ODF2L: variants seen among roughly 807,000 people sequenced by gnomAD.
ODF2L encodes protein BCAP.
ODF2L carries 76 observed loss-of-function variants against 86.3 expected under a neutral mutation model. The ratio of observed to expected loss-of-function variants is 0.88; its 90% CI spans 0.73 to 1.07. The LOEUF (loss-of-function observed/expected upper bound fraction) is 1.07, where lower values mean the gene tolerates loss of function less well. Ranked by LOEUF, ODF2L falls within the 50% of genes least tolerant of loss-of-function variation. The pLI, the probability that ODF2L is intolerant of heterozygous loss-of-function variation, is 0.00. For synonymous variants in ODF2L, 241 were observed against 231.3 expected (o/e 1.04, Z -0.38); for missense variants, 748 against 717.4 (o/e 1.04, Z -0.49).
At chr1:86,356,406 T>C in intron 14 of ODF2L, 38 bp downstream of exon 13, 1 of 1,547,488 alleles carries the variant, frequency 6.5e-7, no homozygotes, top group South Asian at 1.2e-5. Flanking sequence ...AGCATTCTTT[T>C]AACGCATCTA....
intron 8 of ODF2L, among the ~76,000 whole-genome samples, chr1:86,373,424 C>G (rs12028714): frequency 0.33 from 49,022 of 149,460 alleles, 8,272 homozygotes; most frequent in East Asian, 0.53. Flanking sequence ...CTACAAATGT[C>G]TGCCAACCAC....
At chr1:86,353,611 G>A (rs1230234607) in intron 16 of ODF2L, among the ~76,000 whole-genome samples, 1 of 152,184 alleles carries the variant, frequency 6.6e-6, no homozygotes, top group Non-Finnish European at 1.5e-5. Context: ...CCACAAGAAT[G>A]AGAGTAGAGG....
chr1:86,391,579 G>A (rs1661333496), intron 1 of ODF2L, among the ~76,000 whole-genome samples: 1 of 152,170 alleles, frequency 6.6e-6, no homozygotes. Context: ...GTGGGGAAAA[G>A]ACACCCTATT....
chr1:86,368,849 G>A (rs527464618), intron 10 of ODF2L: 10 of 717,850 alleles, frequency 1.4e-5, no homozygotes, highest in Admixed American at 4.3e-5. Flanking sequence ...ACACTTCTAC[G>A]TTGACTATAT....
intron 12 of ODF2L, among the ~76,000 whole-genome samples, chr1:86,359,561 T>C (rs947882294): frequency 2.1e-4 from 13 of 61,302 alleles, no homozygotes; most frequent in African/African-American, 1.2e-3. Flanking sequence ...CTTGCTCTGT[T>C]GCCCAGGCTG....
exon 12 of ODF2L, chr1:86,360,504 T>C (rs751522398): frequency 1.9e-6 from 3 of 1,598,390 alleles, no homozygotes; most frequent in East Asian, 2.2e-5. Context: ...TTTCAACAGA[T>C]ACAACTTCAT....
At chr1:86,395,515 C>T (rs917013382) in intron 1 of ODF2L, among the ~76,000 whole-genome samples, 1 of 152,144 alleles carries the variant, frequency 6.6e-6, no homozygotes, top group Non-Finnish European at 1.5e-5. Flanking sequence ...TTAGCACTCT[C>T]CACGACCCTA....
Position 86,361,392 on chromosome 1 carries a change from G to A in ODF2L, c.1144-856C>T, listed in dbSNP as rs1570367670. Among the ~76,000 whole-genome samples the A allele has an allele frequency of 2.0e-5, 3 of 152,324 alleles. No homozygotes were observed. In the East Asian group the frequency reaches 5.8e-4, roughly 29 times the overall value. ...ACCCAAATTTCTTATAGCAGGCAGT[G>A]AGCATGCCTACCCATACTCCTAAGG... On this transcript the variant is annotated intron_variant, in intron 11 of 17. Coordinates refer to ENST00000317336, the Ensembl canonical transcript of ODF2L.
At chr1:86,372,634 A>T (rs1055785647) in intron 8 of ODF2L, 94 bp from the exon 9 acceptor site, 54 of 617,418 alleles carry the variant, frequency 8.7e-5, no homozygotes, top group Non-Finnish European at 1.4e-4. Flanking sequence ...ACAGGGAAGC[A>T]ATCTTCCAAA....
At chr1:86,377,489 A>C (rs1249891079) in intron 7 of ODF2L, among the ~76,000 whole-genome samples, 1 of 152,148 alleles carries the variant, frequency 6.6e-6, no homozygotes, top group African/African-American at 2.4e-5. Context: ...CTCCAACCCC[A>C]TATTTCTCTT....
At chr1:86,389,288 T>C (rs1360377322) in intron 1 of ODF2L, among the ~76,000 whole-genome samples, 1 of 152,202 alleles carries the variant, frequency 6.6e-6, no homozygotes, top group Non-Finnish European at 1.5e-5. Flanking sequence ...ATATTCTGTA[T>C]ACATGTTTAA....
At chr1:86,392,552 A>G (rs898614109) in intron 1 of ODF2L, among the ~76,000 whole-genome samples, 55 of 152,228 alleles carry the variant, frequency 3.6e-4, no homozygotes, top group Non-Finnish European at 4.0e-4. Flanking sequence ...TAAGTGAAGT[A>G]ACTCAGCAAT....
intron 1 of ODF2L, among the ~76,000 whole-genome samples, chr1:86,390,892 C>T (rs562362124): frequency 2.6e-5 from 4 of 152,072 alleles, no homozygotes; most frequent in African/African-American, 7.2e-5. Context: ...GAAGTCAAAC[C>T]GTTGCTGTTT....
At chr1:86,382,829 C>G in intron 6 of ODF2L, 102 bp downstream of exon 6, 1 of 681,904 alleles carries the variant, frequency 1.5e-6, no homozygotes, top group East Asian at 2.6e-5. Flanking sequence ...TTTCAAAACA[C>G]TTTTCTGTGT....
intron 1 of ODF2L, among the ~76,000 whole-genome samples, chr1:86,392,852 T>C (rs1366653235): frequency 6.6e-6 from 1 of 152,206 alleles, no homozygotes; most frequent in African/African-American, 2.4e-5. Context: ...TCCTTAAAGA[T>C]GAGCAATTTT....
intron 11 of ODF2L, among the ~76,000 whole-genome samples, chr1:86,366,505 G>T (rs963322538): frequency 4.7e-5 from 7 of 150,086 alleles, no homozygotes; most frequent in African/African-American, 1.7e-4. Flanking sequence ...TACTTGGGAG[G>T]CTGAAGCGGG....
At chr1:86,357,231 C>A (rs1376713627) in intron 13 of ODF2L, among the ~76,000 whole-genome samples, 3 of 152,024 alleles carry the variant, frequency 2.0e-5, no homozygotes, top group Non-Finnish European at 4.4e-5. Context: ...AAAGCAGCAA[C>A]CTTAAGAAAT....
intron 14 of ODF2L, chr1:86,356,063 A>G (rs17129092): frequency 0.038 from 8,422 of 220,514 alleles, 232 homozygotes; most frequent in Non-Finnish European, 0.055. Context: ...ATATCCCAAA[A>G]AACTTGACGT....
At chr1:86,366,660 G>A (rs182053509) in intron 11 of ODF2L, among the ~76,000 whole-genome samples, 36 of 147,852 alleles carry the variant, frequency 2.4e-4, no homozygotes, top group African/African-American at 8.9e-4. Flanking sequence ...AAAAAAAAAT[G>A]AAAAAATTCT....
Sources: gnomAD v4.1 joint callset for allele counts (sites outside exome capture counted in the v4.1 genomes callset) on GRCh38, gnomAD v4.1.1 for gene constraint, MANE v1.5 for transcripts, NCBI Gene and HGNC (gene_info 2026-07-23, HGNC 2026-07-21) for gene names.